NCAM2: variants seen among roughly 807,000 people sequenced by gnomAD.
The protein encoded by NCAM2 is N-CAM-2.
NCAM2 carries 30 observed loss-of-function variants against 98.1 expected under a neutral mutation model. The observed-to-expected ratio is 0.31, with a 90% CI of 0.23 to 0.41. The LOEUF is 0.41. NCAM2 is among the 10% of genes least tolerant of loss of function. The pLI is 1.00. For synonymous variants in NCAM2, 368 were observed against 342.4 expected, an observed-to-expected ratio of 1.07 and a Z score of -0.83; for missense variants, 867 against 1,005.8, an observed-to-expected ratio of 0.86 and a Z score of 1.87.
At chr21:21,301,853 A>G (rs1023409387) in intron 5 of NCAM2, among the ~76,000 whole-genome samples, 5 of 149,456 alleles carry the variant, frequency 3.3e-5, no homozygotes, top group Non-Finnish European at 6.0e-5. Context: ...CAAAAAATAC[A>G]TGAAAAAATG....
intron 1 of NCAM2, among the ~76,000 whole-genome samples, chr21:21,007,923 C>A (rs571261763): frequency 1.4e-4 from 22 of 152,158 alleles, no homozygotes; most frequent in Admixed American, 1.2e-3. Flanking sequence ...GATTCAGACG[C>A]CTCTGACGTT....
intron 2 of NCAM2, among the ~76,000 whole-genome samples, chr21:21,283,183 T>C (rs2072987438): frequency 6.6e-6 from 1 of 151,988 alleles, no homozygotes; most frequent in African/African-American, 2.4e-5. Context: ...ATACTTTTAC[T>C]CAAGCATGTC....
chr21:21,119,773 A>C (rs1011137396), intron 1 of NCAM2, among the ~76,000 whole-genome samples: 3 of 152,228 alleles, frequency 2.0e-5, no homozygotes, highest in African/African-American at 7.2e-5. Context: ...CTAAACTTTT[A>C]GGAAAAATAA....
intron 4 of NCAM2, among the ~76,000 whole-genome samples, chr21:21,288,939 TC>T (rs2073195917): frequency 6.6e-6 from 1 of 151,948 alleles, no homozygotes; most frequent in African/African-American, 2.4e-5. Context: ...GTGGAGATTT[TC>T]CATGTTGCTC....
At chr21:21,524,370 C>G (rs948412880) in intron 16 of NCAM2, among the ~76,000 whole-genome samples, 5 of 151,342 alleles carry the variant, frequency 3.3e-5, no homozygotes, top group Admixed American at 2.0e-4. Flanking sequence ...AGGTGTCCAC[C>G]TTTATAGCTG....
At chr21:21,101,438 T>C (rs2066238436) in intron 1 of NCAM2, among the ~76,000 whole-genome samples, 1 of 152,040 alleles carries the variant, frequency 6.6e-6, no homozygotes, top group South Asian at 2.1e-4. Context: ...CACTACCTTA[T>C]TGATATGGAC....
chr21:21,134,866 A>T (rs552866182), intron 1 of NCAM2, among the ~76,000 whole-genome samples: 93 of 151,912 alleles, frequency 6.1e-4, no homozygotes, highest in African/African-American at 2.2e-3. Context: ...GCCACGTGCC[A>T]CCACACCTGG....
intron 1 of NCAM2, among the ~76,000 whole-genome samples, chr21:21,130,734 AT>A (rs5842894): frequency 0.9 from 136,460 of 151,872 alleles, 61,739 homozygotes; most frequent in Non-Finnish European, 0.96. Context: ...TAAATTACCA[AT>A]TTTTTTTTGG....
intron 1 of NCAM2, among the ~76,000 whole-genome samples, chr21:21,275,725 A>G (rs183220435): frequency 1.5e-3 from 226 of 152,234 alleles, no homozygotes; most frequent in African/African-American, 5.2e-3. Context: ...TCTTACATCT[A>G]TTCTCTACCT....
chr21:21,490,992 T>C (rs535430736), intron 15 of NCAM2, among the ~76,000 whole-genome samples: 1 of 152,008 alleles, frequency 6.6e-6, no homozygotes, highest in South Asian at 2.1e-4. Flanking sequence ...GTTATACGTG[T>C]TTTCTTTATT....
chr21:21,476,875 A>C (rs1453661114), intron 14 of NCAM2, among the ~76,000 whole-genome samples: 1 of 151,958 alleles, frequency 6.6e-6, no homozygotes, highest in African/African-American at 2.4e-5. Flanking sequence ...CCCCCAAAAA[A>C]CTTTAACAAT....
chr21:21,351,332 T>C (rs1004262457), intron 8 of NCAM2, among the ~76,000 whole-genome samples: 1 of 152,040 alleles, frequency 6.6e-6, no homozygotes, highest in Non-Finnish European at 1.5e-5. Flanking sequence ...TATCCAAAAA[T>C]AAATCAACAG....
At chr21:21,399,266 G>A (rs1233370098) in intron 9 of NCAM2, among the ~76,000 whole-genome samples, 1 of 152,194 alleles carries the variant, frequency 6.6e-6, no homozygotes, top group African/African-American at 2.4e-5. Context: ...TAGCCTCCAT[G>A]TAAGAATGGA....
chr21:21,449,842 T>A (rs1348657867), intron 12 of NCAM2, among the ~76,000 whole-genome samples: 1 of 152,074 alleles, frequency 6.6e-6, no homozygotes, highest in Non-Finnish European at 1.5e-5. Flanking sequence ...ACAGATATGA[T>A]TTCAGAGGCT....
At chr21:21,120,716 T>TG (rs1287600806) in intron 1 of NCAM2, among the ~76,000 whole-genome samples, 1 of 114,966 alleles carries the variant, frequency 8.7e-6, no homozygotes, top group Non-Finnish European at 1.9e-5. Flanking sequence ...TATTTTTTTG[T>TG]GGGTTTTTTT....
chr21:21,351,777 A>C (rs1248010803), intron 8 of NCAM2, among the ~76,000 whole-genome samples: 1 of 152,112 alleles, frequency 6.6e-6, no homozygotes, highest in Admixed American at 6.6e-5. Context: ...GACAGAGTCT[A>C]GCTCTGTTGC....
At chr21:21,255,902 C>A (rs1421308738) in intron 1 of NCAM2, among the ~76,000 whole-genome samples, 1 of 152,108 alleles carries the variant, frequency 6.6e-6, no homozygotes, top group Non-Finnish European at 1.5e-5. Flanking sequence ...TTGACTGTGA[C>A]CTCAACATAA....
chr21:21,241,713 T>A (rs1440479866), intron 1 of NCAM2, among the ~76,000 whole-genome samples: 1 of 105,676 alleles, frequency 9.5e-6, no homozygotes, highest in East Asian at 2.8e-4. Context: ...CTCTGTTTTT[T>A]TTTTTATTAA....
intron 9 of NCAM2, among the ~76,000 whole-genome samples, chr21:21,397,722 C>A (rs2076542406): frequency 6.6e-6 from 1 of 152,222 alleles, no homozygotes; most frequent in African/African-American, 2.4e-5. Context: ...CCCACCCCAC[C>A]TACTCGGTAG....
Sources: gnomAD v4.1 joint callset for allele counts (sites outside exome capture counted in the v4.1 genomes callset) on GRCh38, gnomAD v4.1.1 for gene constraint, MANE v1.5 for transcripts, NCBI Gene and HGNC (gene_info 2026-07-23, HGNC 2026-07-21) for gene names.